SDK2: variants seen among roughly 807,000 people sequenced by gnomAD.
The protein encoded by SDK2 is sidekick cell adhesion molecule 2, also known as protein sidekick-2.
A neutral mutation model predicts 253.9 loss-of-function variants in SDK2; 105 were observed. The ratio of observed to expected loss-of-function variants is 0.41; its 90% CI spans 0.35 to 0.49. The LOEUF (loss-of-function observed/expected upper bound fraction) is 0.49. SDK2 is among the 20% of genes least tolerant of loss of function. The pLI is 0.06. For synonymous variants in SDK2, 1,249 were observed against 1,234.9 expected (o/e 1.01, Z -0.24); for missense variants, 2,608 against 3,003.0 (o/e 0.87, Z 3.07).
At chr17:73,510,392 G>A (rs1475766108) in intron 1 of SDK2, among the ~76,000 whole-genome samples, 1 of 152,174 alleles carries the variant, frequency 6.6e-6, no homozygotes, top group Non-Finnish European at 1.5e-5. Context: ...CCCTCACTGT[G>A]GGGACCACCA....
In SDK2 at chr17:73,379,952, C is replaced by T. The variant is rs1599502587; in HGVS notation, c.4763-403G>A. Reference sequence around the variant, plus strand: ...GACAGATGCCCAGAGTCCCCATCCACCAACTCTTTACACAGCGGGGCTCAG... The same window carrying T: ...GACAGATGCCCAGAGTCCCCATCCATCAACTCTTTACACAGCGGGGCTCAG... On this transcript the variant is annotated intron_variant, in intron 34 of 44. Coordinates refer to ENST00000392650, the MANE Select transcript of SDK2 (RefSeq NM_001144952.2). This position sits in a 1 kb window ranked among gnomAD's most constrained non-coding sequence, Gnocchi z 4.5. Among the ~76,000 whole-genome samples, 2 of 152,082 alleles carry T rather than the reference C, an allele frequency of 1.3e-5. No individual in the cohort carries two copies. The highest frequency in any genetic ancestry group is 1.9e-4 in the East Asian group (1 of 5,170).
At chr17:73,512,433 C>A (rs569718827) in intron 1 of SDK2, among the ~76,000 whole-genome samples, 6 of 152,080 alleles carry the variant, frequency 3.9e-5, no homozygotes, top group Admixed American at 1.3e-4. Flanking sequence ...GCCCTGTTAG[C>A]CACCCTCTCT....
At chr17:73,384,285 C>T (rs1195813051) in intron 32 of SDK2, among the ~76,000 whole-genome samples, 1 of 152,134 alleles carries the variant, frequency 6.6e-6, no homozygotes, top group Non-Finnish European at 1.5e-5. Flanking sequence ...AAGGAACTTG[C>T]CCAAGATCAC....
chr17:73,418,253 G>A (rs931633041), intron 16 of SDK2, among the ~76,000 whole-genome samples: 14 of 152,256 alleles, frequency 9.2e-5, no homozygotes, highest in African/African-American at 2.4e-4. Flanking sequence ...TGATCCACCC[G>A]CCTTGGCCTC....
At chr17:73,521,304 G>A (rs1027722976) in intron 1 of SDK2, 2 of 151,940 alleles carry the variant, frequency 1.3e-5, no homozygotes, top group African/African-American at 4.8e-5. Context: ...GCCTCCCAAA[G>A]TGCTAGGATT....
Position 73,395,018 on chromosome 17 carries a change from T to C in SDK2, c.3592+137A>G. On this transcript the variant is annotated intron_variant, in intron 25 of 44. Coordinates refer to ENST00000392650, the MANE Select transcript of SDK2 (RefSeq NM_001144952.2). This position sits in a 1 kb window ranked among gnomAD's most constrained non-coding sequence, Gnocchi z 4.3. ...AGAGGCGGCAACATCATTGTGACAT[T>C]GAGCATAAGCAGAGGAAATGAGCTC... is the stretch of plus-strand genomic sequence containing the variant. 1.5e-6 allele frequency: 1 copy of C among 655,402 alleles called. No homozygotes were observed. The highest frequency in any genetic ancestry group is 2.6e-6 in the Non-Finnish European group (1 of 380,604). The allele number at this position is 655,402 out of a possible 1,614,324, so 40.6% of individuals were successfully genotyped here.
intron 2 of SDK2, among the ~76,000 whole-genome samples, chr17:73,485,750 G>T (rs2063765742): frequency 6.6e-6 from 1 of 152,220 alleles, no homozygotes. Flanking sequence ...CTGGGACACA[G>T]CCATGCACAT....
chr17:73,348,568 C>A (rs747644131), intron 44 of SDK2, 31 bp downstream of exon 44: 12 of 1,607,748 alleles, frequency 7.5e-6, no homozygotes, highest in South Asian at 1.1e-5. Flanking sequence ...CTCCCTGCCC[C>A]CTGCAGGACA....
rs551961788 is a variant in SDK2, at chr17:73,355,409, C to T, written c.5593+2670G>A. Among the ~76,000 whole-genome samples the T allele has an allele frequency of 3.3e-5, 5 of 151,300 alleles. No individual in the cohort carries two copies. The South Asian group carries it at 6.3e-4, about 19-fold the overall frequency. ...TCACCCAGGCTGGAGTGCCGTGACA[C>T]GATCTTGGCTCACTGCAACCTCCGG... On this transcript the variant is annotated intron_variant, in intron 40 of 44. Coordinates refer to ENST00000392650, the MANE Select transcript of SDK2 (RefSeq NM_001144952.2).
At position 73,447,607 on chromosome 17, in the gene SDK2, G is replaced by A. The variant is rs192088977; in HGVS notation, c.613+8C>T. The A allele has an allele frequency of 1.0e-3, 1,600 of 1,551,898 alleles. No homozygotes were observed. The highest frequency in any genetic ancestry group is 1.3e-3 in the Non-Finnish European group (1,459 of 1,147,040). The stretch of plus-strand genomic sequence containing the variant: ...TCCAAGATCGGTCCCGGCCCTGTGC[G>A]TACTTACTCTCCACGGTGAGCGTGA... On this transcript the variant is annotated splice_region_variant and intron_variant, in intron 5 of 44. Transcript: ENST00000392650. The surrounding 1 kb of genome is among the most constrained non-coding windows in gnomAD (Gnocchi z 4.0).
chr17:73,592,904 A>G (rs1042602950), intron 1 of SDK2, among the ~76,000 whole-genome samples: 9 of 152,010 alleles, frequency 5.9e-5, no homozygotes, highest in African/African-American at 2.2e-4. Context: ...TCAGGGTTTA[A>G]CCTCAGCTCA....
intron 2 of SDK2, among the ~76,000 whole-genome samples, chr17:73,489,507 G>A (rs1476521204): frequency 1.3e-5 from 2 of 152,230 alleles, no homozygotes; most frequent in South Asian, 4.1e-4. Flanking sequence ...GCACCGCCCA[G>A]ATGGCCGGAG....
chr17:73,478,074 C>T (rs115064066), intron 2 of SDK2, among the ~76,000 whole-genome samples: 2,400 of 152,302 alleles, frequency 0.016, 57 homozygotes, highest in African/African-American at 0.053. Flanking sequence ...CCCAGCTGCC[C>T]TGTCATCCTG....
chr17:73,380,308 A>T (rs147835653), intron 34 of SDK2, among the ~76,000 whole-genome samples: 1 of 152,142 alleles, frequency 6.6e-6, no homozygotes, highest in Non-Finnish European at 1.5e-5. Flanking sequence ...TTAGCCTTAA[A>T]CTAGTGCTAT....
intron 1 of SDK2, among the ~76,000 whole-genome samples, chr17:73,606,544 C>A (rs1000515894): frequency 6.6e-6 from 1 of 152,134 alleles, no homozygotes; most frequent in Non-Finnish European, 1.5e-5. Flanking sequence ...ACGACAGCCA[C>A]GAAGGCGGGT....
chr17:73,439,614 G>A (rs1036672169), intron 6 of SDK2, among the ~76,000 whole-genome samples: 2 of 152,164 alleles, frequency 1.3e-5, no homozygotes, highest in Non-Finnish European at 2.9e-5. Context: ...AGGTCAAGGG[G>A]ACCTCAGGGG....
At position 73,430,210 on chromosome 17, in the gene SDK2, C is replaced by T. The variant is rs1299666141; in HGVS notation, c.1583+301G>A. On this transcript the variant is annotated intron_variant, in intron 12 of 44. Transcript: ENST00000392650. ...CTTCCATGCTCACTAACCCACAAGC[C>T]TCTTCCTTTCCCCTCCCTCACCCCC... 2.0e-5 allele frequency among the ~76,000 whole-genome samples: 3 copies of T among 152,170 alleles called. No homozygotes were observed. The East Asian group carries it at 5.8e-4, about 29-fold the overall frequency.
Position 73,435,422 on chromosome 17 carries a change from G to C in SDK2, c.1195+28C>G, listed in dbSNP as rs371449206. ...CTGCGTCCTGGGAAGAGGGGCTCAC[G>C]GGCAGCACAAGGGAAGGCCCAACTT... is the stretch of plus-strand genomic sequence containing the variant. On this transcript the variant is annotated intron_variant, in intron 9 of 44. Transcript: ENST00000392650. This position sits in a 1 kb window ranked among gnomAD's most constrained non-coding sequence, Gnocchi z 5.7. 6 of 1,556,428 alleles carry C rather than the reference G, an allele frequency of 3.9e-6. No homozygotes were observed. The Admixed American group carries it at 9.3e-5, about 24-fold the overall frequency.
At chr17:73,524,636 C>T (rs1448409219) in intron 1 of SDK2, among the ~76,000 whole-genome samples, 1 of 152,228 alleles carries the variant, frequency 6.6e-6, no homozygotes, top group African/African-American at 2.4e-5. Context: ...TCATGAGGGC[C>T]AGGCACCTCT....
Sources: gnomAD v4.1 joint callset for allele counts (sites outside exome capture counted in the v4.1 genomes callset) on GRCh38, gnomAD v4.1.1 for gene constraint, Gnocchi (gnomAD v3.1) non-coding constraint, MANE v1.5 for transcripts, NCBI Gene and HGNC (gene_info 2026-07-23, HGNC 2026-07-21) for gene names.